The following LRBA variants were observed in gnomAD, a reference collection of about 807,000 sequenced individuals.
The protein encoded by LRBA is lipopolysaccharide-responsive and beige-like anchor protein.
In LRBA, 176 loss-of-function variants were observed where a neutral mutation model predicts 330.0. The ratio of observed to expected loss-of-function variants is 0.53; its 90% CI spans 0.47 to 0.60. The LOEUF is 0.60. Ranked by LOEUF, LRBA falls within the 20% of genes least tolerant of loss-of-function variation. LRBA has a pLI of 0.00. For missense variants in LRBA, 3,259 were observed against 3,444.8 expected (o/e 0.95, Z 1.35); for synonymous variants, 1,230 against 1,193.0 (o/e 1.03, Z -0.64).
At chr4:150,855,843 T>C (rs1043636279) in intron 22 of LRBA, among the ~76,000 whole-genome samples, 4 of 152,196 alleles carry the variant, frequency 2.6e-5, no homozygotes, top group Non-Finnish European at 5.9e-5. Context: ...TAGCCAATTG[T>C]ATTTTAAAGA....
chr4:150,384,764 T>C (rs1404122367), intron 47 of LRBA, among the ~76,000 whole-genome samples: 2 of 152,082 alleles, frequency 1.3e-5, no homozygotes, highest in South Asian at 4.1e-4. Flanking sequence ...TTTTTTTTTT[T>C]TCAGAGGAAA....
chr4:150,327,224 G>A (rs1733395593), intron 48 of LRBA, among the ~76,000 whole-genome samples: 2 of 152,120 alleles, frequency 1.3e-5, no homozygotes, highest in Non-Finnish European at 2.9e-5. Flanking sequence ...AGGAGTTCAA[G>A]AACGGCCTAC....
At chr4:150,295,864 T>G (rs1313768130) in intron 53 of LRBA, among the ~76,000 whole-genome samples, 3 of 152,224 alleles carry the variant, frequency 2.0e-5, no homozygotes, top group Non-Finnish European at 4.4e-5. Flanking sequence ...CTAATGTGCT[T>G]CTTTTTTCCT....
chr4:150,335,561 T>C (rs183914290), intron 48 of LRBA, among the ~76,000 whole-genome samples: 18 of 150,532 alleles, frequency 1.2e-4, no homozygotes, highest in Non-Finnish European at 2.1e-4. Flanking sequence ...CACACATATA[T>C]GTATATATAA....
intron 22 of LRBA, among the ~76,000 whole-genome samples, chr4:150,865,003 T>C (rs1000419765): frequency 1.3e-5 from 2 of 152,156 alleles, no homozygotes; most frequent in Non-Finnish European, 2.9e-5. Flanking sequence ...CCTCCAGCCA[T>C]CTTTCCTAAG....
intron 40 of LRBA, among the ~76,000 whole-genome samples, chr4:150,571,522 G>T (rs1047605146): frequency 6.6e-6 from 1 of 151,742 alleles, no homozygotes; most frequent in Admixed American, 6.6e-5. Context: ...CTTTCACTAG[G>T]TTTCAAATTT....
intron 36 of LRBA, among the ~76,000 whole-genome samples, chr4:150,699,978 G>C (rs752442400): frequency 7.2e-5 from 11 of 152,086 alleles, no homozygotes; most frequent in Non-Finnish European, 1.6e-4. Context: ...AGCTTTTTGA[G>C]CACCAACATG....
intron 40 of LRBA, among the ~76,000 whole-genome samples, chr4:150,508,906 G>T (rs528964423): frequency 1.2e-4 from 19 of 152,238 alleles, no homozygotes; most frequent in African/African-American, 4.3e-4. Context: ...CCAGAGCAAG[G>T]TTACGAAAAG....
intron 36 of LRBA, among the ~76,000 whole-genome samples, chr4:150,701,480 A>G (rs1478576830): frequency 6.6e-6 from 1 of 152,260 alleles, no homozygotes; most frequent in Non-Finnish European, 1.5e-5. Context: ...ACACGTGAGT[A>G]ATGAGTTACA....
At chr4:150,491,547 A>T (rs1422713058) in intron 40 of LRBA, among the ~76,000 whole-genome samples, 2 of 152,116 alleles carry the variant, frequency 1.3e-5, no homozygotes. Flanking sequence ...TTAAGGCAAC[A>T]GTCACTCATT....
At chr4:150,276,040 A>G (rs920175451) in intron 56 of LRBA, among the ~76,000 whole-genome samples, 2 of 152,232 alleles carry the variant, frequency 1.3e-5, no homozygotes, top group African/African-American at 4.8e-5. Flanking sequence ...CTATACTACA[A>G]GGCTACAGTA....
chr4:150,612,972 G>A (rs1581814100), intron 37 of LRBA, among the ~76,000 whole-genome samples: 1 of 152,128 alleles, frequency 6.6e-6, no homozygotes, highest in Non-Finnish European at 1.5e-5. Flanking sequence ...CAAAGAAGAC[G>A]ATGACATTTT....
At chr4:150,676,337 T>C (rs1431372320) in intron 37 of LRBA, among the ~76,000 whole-genome samples, 1 of 152,222 alleles carries the variant, frequency 6.6e-6, no homozygotes, top group Non-Finnish European at 1.5e-5. Flanking sequence ...GCTATTTATT[T>C]ATAGTTTTTC....
At chr4:150,657,185 C>A (rs192374187) in intron 37 of LRBA, among the ~76,000 whole-genome samples, 4 of 152,104 alleles carry the variant, frequency 2.6e-5, no homozygotes, top group Non-Finnish European at 5.9e-5. Flanking sequence ...ACTTCCCTTA[C>A]GAAGGAGACA....
chr4:150,867,539 C>A, intron 22 of LRBA, 132 bp downstream of exon 22: 1 of 611,720 alleles, frequency 1.6e-6, no homozygotes, highest in African/African-American at 1.9e-5. Context: ...TTTGAGCTTT[C>A]ATTTTGCTGT....
At chr4:150,716,006 T>C (rs748267278) in intron 36 of LRBA, among the ~76,000 whole-genome samples, 1 of 152,178 alleles carries the variant, frequency 6.6e-6, no homozygotes, top group African/African-American at 2.4e-5. Context: ...GAGTCTGACT[T>C]TCGTTTAGGA....
chr4:150,622,688 CTTTTTTTT>C lies in LRBA; in HGVS notation c.5922-23565_5922-23558del, dbSNP rs10528461. ...GAAGACAACAGTCACCTAAATCAAT[CTTTTTTTT>C]TTTTTTTTTTTTTTTTTTTTGAGAC... On this transcript the variant is annotated intron_variant, in intron 37 of 56. Coordinates refer to ENST00000651943, the MANE Select transcript of LRBA (RefSeq NM_001364905.1). Among the ~76,000 whole-genome samples, 285 of 105,626 alleles carry C rather than the reference CTTTTTTTT, an allele frequency of 2.7e-3. 3 individuals carry two copies. The highest frequency in any genetic ancestry group is 6.2e-3 in the East Asian group (24 of 3,866). 69.3% of individuals were successfully genotyped at this position (105,626 alleles called of 152,430 possible).
At chr4:150,411,696 T>C (rs1211003953) in intron 47 of LRBA, among the ~76,000 whole-genome samples, 1 of 152,138 alleles carries the variant, frequency 6.6e-6, no homozygotes, top group African/African-American at 2.4e-5. Context: ...AGCAGAAACC[T>C]GCCAACAGAG....
intron 42 of LRBA, among the ~76,000 whole-genome samples, chr4:150,475,775 G>A (rs1363800771): frequency 6.6e-6 from 1 of 151,750 alleles, no homozygotes; most frequent in Non-Finnish European, 1.5e-5. Flanking sequence ...ATGGTGGCAT[G>A]TGCCTGTAGT....
Sources: allele counts gnomAD v4.1 joint callset (sites outside exome capture counted in the v4.1 genomes callset), GRCh38; gene constraint gnomAD v4.1.1; transcripts MANE v1.5; gene names NCBI Gene and HGNC (gene_info 2026-07-23, HGNC 2026-07-21).